The following FMN1 variants were observed in gnomAD, a reference collection of about 807,000 sequenced individuals.
FMN1 encodes formin 1, also known as formin-1.
A neutral mutation model predicts 132.4 loss-of-function variants in FMN1; 110 were observed. That is an observed-to-expected ratio of 0.83 (90% CI 0.71 to 0.97). The LOEUF (loss-of-function observed/expected upper bound fraction) is 0.97. FMN1 is among the 50% of genes least tolerant of loss of function. The pLI is 0.00. For missense variants in FMN1, 1,792 were observed against 1,705.3 expected, an observed-to-expected ratio of 1.05 and a Z score of -0.90; for synonymous variants, 722 against 651.7, an observed-to-expected ratio of 1.11 and a Z score of -1.64.
chr15:33,113,378 CAATT>C (rs912542472), intron 4 of FMN1, among the ~76,000 whole-genome samples: 1 of 151,132 alleles, frequency 6.6e-6, no homozygotes, highest in African/African-American at 2.4e-5. Context: ...TTATTTTTTT[CAATT>C]AATAGTTCAG....
intron 7 of FMN1, among the ~76,000 whole-genome samples, chr15:32,993,856 C>T (rs1321402800): frequency 6.6e-6 from 1 of 150,574 alleles, no homozygotes; most frequent in Non-Finnish European, 1.5e-5. Context: ...GCTGTCCTCT[C>T]CACATCCTCT....
chr15:33,137,087 CAAAAAAAA>C (rs3082373), intron 4 of FMN1, among the ~76,000 whole-genome samples: 5 of 52,424 alleles, frequency 9.5e-5, no homozygotes, highest in Non-Finnish European at 1.6e-4. Flanking sequence ...GACCCCGTCT[CAAAAAAAA>C]AAAAAAAAAA....
intron 4 of FMN1, among the ~76,000 whole-genome samples, chr15:33,092,024 G>A (rs1407724974): frequency 6.6e-6 from 1 of 152,134 alleles, no homozygotes; most frequent in African/African-American, 2.4e-5. Flanking sequence ...GTTCCTCAAA[G>A]ACATTTCAAC....
At chr15:32,824,050 G>A (rs1243356674) in intron 17 of FMN1, among the ~76,000 whole-genome samples, 1 of 152,232 alleles carries the variant, frequency 6.6e-6, no homozygotes, top group Non-Finnish European at 1.5e-5. Context: ...AGTGCTGGAA[G>A]CCACACACAG....
chr15:33,086,901 T>C (rs918271808), intron 5 of FMN1, among the ~76,000 whole-genome samples: 6 of 152,246 alleles, frequency 3.9e-5, no homozygotes, highest in African/African-American at 1.4e-4. Context: ...TTTATGGTTA[T>C]GAAAAATACA....
chr15:32,851,667 A>G (rs1199536102), intron 17 of FMN1, among the ~76,000 whole-genome samples: 3 of 152,372 alleles, frequency 2.0e-5, no homozygotes, highest in African/African-American at 4.8e-5. Flanking sequence ...AAATGAAATT[A>G]AGAAAAAGTA....
intron 4 of FMN1, among the ~76,000 whole-genome samples, chr15:33,128,855 G>A (rs756411767): frequency 1.8e-4 from 28 of 152,376 alleles, no homozygotes; most frequent in African/African-American, 5.8e-4. Flanking sequence ...AACCGGAGCA[G>A]ACTGCAGAGG....
In FMN1 at chr15:32,766,720, C is replaced by T. The variant is rs3812931; in HGVS notation, c.*7590G>A. ...GCTCCCTGTCCAAACGGCTGAGGAA[C>T]GGAGCACAGGGTGTGAGAGGATGGA... On this transcript the variant is annotated 3_prime_UTR_variant, in exon 21 of 21. Transcript: ENST00000616417. The T allele has an allele frequency of 0.5, 75,351 of 151,798 alleles. 19,557 individuals carry two copies. Among genetic ancestry groups the T allele is most frequent in the East Asian group, 0.58 (3,006 of 5,146 alleles). The allele number at this position is 151,798 out of a possible 1,614,324, so 9.4% of individuals were successfully genotyped here.
intron 3 of FMN1, among the ~76,000 whole-genome samples, chr15:33,177,615 G>A (rs138449022): frequency 1.2e-4 from 19 of 152,240 alleles, no homozygotes; most frequent in African/African-American, 4.1e-4. Context: ...TAAATTCAGC[G>A]CACAAATAGG....
intron 7 of FMN1, among the ~76,000 whole-genome samples, chr15:32,993,907 C>T (rs987335402): frequency 2.8e-5 from 1 of 36,262 alleles, no homozygotes; most frequent in East Asian, 7.9e-4. Flanking sequence ...CAGCCGGGGG[C>T]GGGGTGGGGG....
intron 4 of FMN1, among the ~76,000 whole-genome samples, chr15:33,137,131 C>T (rs75556984): frequency 0.025 from 3,813 of 149,784 alleles, 167 homozygotes; most frequent in African/African-American, 0.09. Context: ...AAAACATACC[C>T]TCCCCAAACA....
In FMN1 at chr15:33,160,825, G is replaced by A. The variant is rs181332987; in HGVS notation, c.-131-5780C>T. ...ATTTCCTCTGACAGGCTCCAGGCTG[G>A]CATTCTGTCTATGACAACATTGCAG... On this transcript the variant is annotated intron_variant, in intron 3 of 20. Coordinates refer to ENST00000616417, the MANE Select transcript of FMN1 (RefSeq NM_001277313.2). Among the ~76,000 whole-genome samples the A allele has an allele frequency of 7.3e-3, 1,107 of 152,160 alleles. 6 individuals carry two copies. Among genetic ancestry groups the A allele is most frequent in the Middle Eastern group, 0.024 (7 of 294 alleles).
chr15:32,935,242 T>C (rs1371034441), intron 9 of FMN1, among the ~76,000 whole-genome samples: 3 of 152,208 alleles, frequency 2.0e-5, no homozygotes, highest in Admixed American at 6.5e-5. Flanking sequence ...TTTCTAGATA[T>C]AGTTTTCTTA....
chr15:32,957,314 T>TTTTTTTG (rs1365914772), intron 9 of FMN1, among the ~76,000 whole-genome samples: 9 of 146,152 alleles, frequency 6.2e-5, no homozygotes, highest in African/African-American at 7.5e-5. Flanking sequence ...TTTTTTTTTT[T>TTTTTTTG]TTTTTTTTTT....
intron 9 of FMN1, 27 bp downstream of exon 9, chr15:32,964,080 T>A (rs772384362): frequency 3.2e-6 from 5 of 1,561,334 alleles, no homozygotes; most frequent in Non-Finnish European, 4.4e-6. Context: ...AATATATAAT[T>A]ACAGCTTTGC....
intron 9 of FMN1, among the ~76,000 whole-genome samples, chr15:32,929,573 TA>T (rs1366248054): frequency 3.3e-5 from 5 of 152,210 alleles, no homozygotes; most frequent in African/African-American, 1.2e-4. Context: ...ACCCACAGAA[TA>T]GCAGATTTCC....
In FMN1 at chr15:32,786,129, C is replaced by A. The variant is rs1595907003; in HGVS notation, c.4131-9210G>T. ...ACTGAAGGTCCAAGCTGCTGCACCA[C>A]TGGACTTACCCTAAATGTAAAGACA... On this transcript the variant is annotated intron_variant, in intron 19 of 20. Coordinates refer to ENST00000616417, the MANE Select transcript of FMN1 (RefSeq NM_001277313.2). Among the ~76,000 whole-genome samples, 5 of 152,186 alleles carry A rather than the reference C, an allele frequency of 3.3e-5. No individual in the cohort carries two copies. The South Asian group carries it at 6.2e-4, about 19-fold the overall frequency.
chr15:32,973,706 C>A (rs1351604575), intron 7 of FMN1, among the ~76,000 whole-genome samples: 2 of 152,098 alleles, frequency 1.3e-5, no homozygotes, highest in East Asian at 3.9e-4. Context: ...AAGTAATAAG[C>A]ACCTCATTCA....
rs555760509 is a variant in FMN1, at chr15:33,024,223, A to ATTTTT, written c.2162-16153_2162-16149dup. On this transcript the variant is annotated intron_variant, in intron 6 of 20. Transcript: ENST00000616417. ...GGGAATACTATTTCACACCTATCAG[A>ATTTTT]TTTTTTTTTTTTTTTTTTTTTTTTT... Among the ~76,000 whole-genome samples, 309 of 87,990 alleles carry ATTTTT rather than the reference A, an allele frequency of 3.5e-3. 58 individuals are homozygous for ATTTTT. The highest frequency in any genetic ancestry group is 0.015 in the East Asian group (32 of 2,086). 57.7% of individuals were successfully genotyped at this position (87,990 alleles called of 152,430 possible). A position where few individuals can be genotyped will look rare whatever the true frequency, so the allele number is the denominator to read the frequency against.
Sources: allele counts gnomAD v4.1 joint callset (sites outside exome capture counted in the v4.1 genomes callset), GRCh38; gene constraint gnomAD v4.1.1; transcripts MANE v1.5; gene names NCBI Gene and HGNC (gene_info 2026-07-23, HGNC 2026-07-21).